Variants in RGS5 observed in about 807,000 individuals in gnomAD.
RGS5 encodes regulator of G-protein signalling 5.
RGS5 carries 20 observed loss-of-function variants against 18.9 expected under a neutral mutation model. The ratio of observed to expected loss-of-function variants is 1.06; its 90% CI spans 0.74 to 1.54. The LOEUF is 1.54. Ranked by LOEUF, RGS5 falls within the 40% of genes most tolerant of loss-of-function variation. RGS5 has a pLI of 0.00. For synonymous variants in RGS5, 57 were observed against 76.2 expected, an observed-to-expected ratio of 0.75 and a Z score of 1.31; for missense variants, 201 against 211.8, an observed-to-expected ratio of 0.95 and a Z score of 0.32.
At chr1:163,231,587 A>G (rs778353675) in intron 2 of RGS5, among the ~76,000 whole-genome samples, 3 of 152,188 alleles carry the variant, frequency 2.0e-5, no homozygotes, top group Non-Finnish European at 4.4e-5. Context: ...AGTGGTATGC[A>G]CAAGGCTAGA....
At chr1:163,318,133 C>T (rs1650075873) in intron 1 of RGS5, among the ~76,000 whole-genome samples, 1 of 152,026 alleles carries the variant, frequency 6.6e-6, no homozygotes, top group Non-Finnish European at 1.5e-5. Flanking sequence ...AAAGATAGTC[C>T]AGACAAAGTC....
chr1:163,276,913 G>C (rs1648871753), intron 2 of RGS5, among the ~76,000 whole-genome samples: 1 of 152,162 alleles, frequency 6.6e-6, no homozygotes, highest in African/African-American at 2.4e-5. Context: ...TGAGAAACTA[G>C]TACAGGTCAT....
intron 2 of RGS5, among the ~76,000 whole-genome samples, chr1:163,255,080 A>G (rs369431271): frequency 6.6e-6 from 1 of 152,096 alleles, no homozygotes; most frequent in African/African-American, 2.4e-5. Flanking sequence ...GTCAGGTAGC[A>G]TGATGCCTCC....
At chr1:163,156,332 T>C (rs988464371) in intron 3 of RGS5, among the ~76,000 whole-genome samples, 7 of 152,330 alleles carry the variant, frequency 4.6e-5, no homozygotes, top group African/African-American at 1.7e-4. Context: ...ATAATTATTA[T>C]TATGTAGCTC....
At chr1:163,300,227 G>A (rs1649518529) in intron 2 of RGS5, among the ~76,000 whole-genome samples, 1 of 152,184 alleles carries the variant, frequency 6.6e-6, no homozygotes, top group African/African-American at 2.4e-5. Context: ...AGAGGGCAGT[G>A]GTCTTGTGAT....
chr1:163,168,324 G>A lies in RGS5; in HGVS notation c.89C>T (p.Pro30Leu). The change falls in exon 2 of 5, where the codon CCA becomes CTA. Residue 30 changes from proline to leucine, a missense_variant. Pro to Leu is a moderately conservative substitution (Grantham distance 98, BLOSUM62 -3). Coordinates refer to ENST00000313961, the MANE Select transcript of RGS5 (RefSeq NM_003617.4). ...AATGACAAGGTCACCAACTGAGTCT[G>A]GCTTCTGGAGGAGAATTCCCAACTT... is the stretch of plus-strand genomic sequence containing the variant. ...KIKLGILLQK[P>L]DSVGDLVIPY... 3 of 1,613,898 alleles carry A rather than the reference G, an allele frequency of 1.9e-6. No homozygotes were observed. Among genetic ancestry groups the A allele is most frequent in the Non-Finnish European group, 2.5e-6 (3 of 1,179,828 alleles).
At chr1:163,180,623 A>G (rs1207095935) in intron 1 of RGS5, among the ~76,000 whole-genome samples, 2 of 150,342 alleles carry the variant, frequency 1.3e-5, no homozygotes, top group African/African-American at 4.9e-5. Context: ...GTTAGGATAC[A>G]GAACAATTCT....
At chr1:163,203,808 C>T (rs1390655106), upstream of RGS5, among the ~76,000 whole-genome samples, 1 of 152,136 alleles carries the variant, frequency 6.6e-6, no homozygotes, top group Non-Finnish European at 1.5e-5. Context: ...CTCCTTCAAA[C>T]TTTTCCTGCT....
chr1:163,155,941 A>G (rs1463052718), intron 3 of RGS5, among the ~76,000 whole-genome samples: 1 of 152,142 alleles, frequency 6.6e-6, no homozygotes, highest in African/African-American at 2.4e-5. Flanking sequence ...GCCCTAATGA[A>G]TGGTGTCACT....
chr1:163,259,756 A>G (rs927602344), intron 2 of RGS5: 4 of 152,390 alleles, frequency 2.6e-5, no homozygotes, highest in Non-Finnish European at 4.4e-5. Flanking sequence ...AGAAGAAAAG[A>G]CATTAGGAAA....
chr1:163,267,035 T>C (rs1444913952), intron 2 of RGS5, among the ~76,000 whole-genome samples: 3 of 152,114 alleles, frequency 2.0e-5, no homozygotes, highest in Admixed American at 6.6e-5. Flanking sequence ...GCCATGTATA[T>C]GGTGTTATGG....
At position 163,145,635 on chromosome 1, in the gene RGS5, C is replaced by G. The variant is rs1657102255; in HGVS notation, c.*1707G>C. The G allele has an allele frequency of 6.6e-6, 1 of 152,138 alleles. No individual in the cohort carries two copies. The highest frequency in any genetic ancestry group is 1.5e-5 in the Non-Finnish European group (1 of 68,038). 9.4% of individuals were successfully genotyped at this position (152,138 alleles called of 1,614,324 possible). On this transcript the variant is annotated 3_prime_UTR_variant, in exon 5 of 5. Coordinates refer to ENST00000313961, the MANE Select transcript of RGS5 (RefSeq NM_003617.4). The stretch of plus-strand genomic sequence containing the variant: ...ACACCACTAGCAATTGTTGGCAGAA[C>G]ACCCAACCACTCTACCCAGTTTCAG...
chr1:163,309,604 T>C (rs550498520), intron 1 of RGS5, among the ~76,000 whole-genome samples: 3 of 152,308 alleles, frequency 2.0e-5, no homozygotes, highest in African/African-American at 7.2e-5. Flanking sequence ...TAATTCTAGT[T>C]CTCTTGCTAT....
At chr1:163,232,918 T>A (rs1647520115) in intron 2 of RGS5, among the ~76,000 whole-genome samples, 2 of 152,174 alleles carry the variant, frequency 1.3e-5, no homozygotes, top group Non-Finnish European at 2.9e-5. Context: ...ATTTAGAAAA[T>A]TTAACATCGA....
chr1:163,319,379 C>T lies in RGS5; in HGVS notation c.-378+2243G>A, dbSNP rs530347914. On this transcript the variant is annotated intron_variant, in intron 1 of 5. Coordinates refer to the RGS5 transcript ENST00000618415. Reference sequence around the variant, plus strand: ...ACGAATGTGTTATGTGCTTGAAACACACCTTTAAGACCACTCTGGTCACTT... The same window carrying T: ...ACGAATGTGTTATGTGCTTGAAACATACCTTTAAGACCACTCTGGTCACTT... 2.6e-5 allele frequency: 4 copies of T among 152,348 alleles called. 1 individual carries two copies. Among genetic ancestry groups the T allele is most frequent in the African/African-American group, 9.6e-5 (4 of 41,578 alleles). 9.4% of individuals were successfully genotyped at this position (152,348 alleles called of 1,614,324 possible). A position where few individuals can be genotyped will look rare whatever the true frequency, so the allele number is the denominator to read the frequency against.
At chr1:163,293,333 C>G (rs1429383842) in intron 2 of RGS5, among the ~76,000 whole-genome samples, 1 of 152,112 alleles carries the variant, frequency 6.6e-6, no homozygotes, top group Non-Finnish European at 1.5e-5. Flanking sequence ...TACAATCATT[C>G]CAGAAGATGA....
intron 1 of RGS5, among the ~76,000 whole-genome samples, chr1:163,310,928 C>T (rs765777533): frequency 1.1e-4 from 16 of 152,034 alleles, no homozygotes; most frequent in Non-Finnish European, 1.5e-4. Context: ...AGAGAAATGC[C>T]GAGCAAAGGG....
upstream of RGS5, among the ~76,000 whole-genome samples, chr1:163,207,773 C>T (rs932830947): frequency 6.6e-6 from 1 of 151,664 alleles, no homozygotes; most frequent in Non-Finnish European, 1.5e-5. Flanking sequence ...TTAAAGGATA[C>T]CAATAAAATT....
At chr1:163,247,939 GCT>G (rs2101696173) in intron 2 of RGS5, among the ~76,000 whole-genome samples, 1 of 152,190 alleles carries the variant, frequency 6.6e-6, no homozygotes, top group South Asian at 2.1e-4. Flanking sequence ...ACTCCAACTT[GCT>G]CTGTAACTTT....
Sources: allele counts gnomAD v4.1 joint callset (sites outside exome capture counted in the v4.1 genomes callset), GRCh38; gene constraint gnomAD v4.1.1; transcripts MANE v1.5; gene names NCBI Gene and HGNC (gene_info 2026-07-23, HGNC 2026-07-21).